PLB1: variants seen among roughly 807,000 people sequenced by gnomAD.
PLB1 encodes the protein phospholipase B1, membrane-associated.
A neutral mutation model predicts 227.4 loss-of-function variants in PLB1; 242 were observed. That is an observed-to-expected ratio of 1.06 (90% CI 0.96 to 1.18). The LOEUF (loss-of-function observed/expected upper bound fraction) is 1.18, where lower values mean the gene tolerates loss of function less well. Among genes scored for constraint, PLB1 ranks in the 50% most tolerant of loss-of-function variants. PLB1 has a pLI of 0.00. For synonymous variants in PLB1, 757 were observed against 682.2 expected (o/e 1.11, Z -1.71); for missense variants, 1,858 against 1,816.3 (o/e 1.02, Z -0.42).
At chr2:28,563,322 C>G (rs999569635) in intron 18 of PLB1, among the ~76,000 whole-genome samples, 3 of 152,080 alleles carry the variant, frequency 2.0e-5, no homozygotes, top group Non-Finnish European at 4.4e-5. Context: ...CTTCCTCCCC[C>G]AATGCTGAGA....
intron 21 of PLB1, among the ~76,000 whole-genome samples, chr2:28,575,657 G>A (rs112427963): frequency 1.4e-3 from 220 of 152,170 alleles, no homozygotes; most frequent in African/African-American, 5.0e-3. Context: ...TGCAACCTCC[G>A]CCTCCCAGGT....
chr2:28,556,382 G>A (rs929615860), intron 17 of PLB1, among the ~76,000 whole-genome samples: 3 of 152,182 alleles, frequency 2.0e-5, no homozygotes, highest in Admixed American at 6.5e-5. Flanking sequence ...GGGGCCCTAG[G>A]ATGAGATACA....
At chr2:28,588,930 C>T (rs1055802586) in intron 26 of PLB1, among the ~76,000 whole-genome samples, 1 of 152,110 alleles carries the variant, frequency 6.6e-6, no homozygotes, top group Non-Finnish European at 1.5e-5. Context: ...CTTTGGGAGG[C>T]CGAGGCGGGT....
intron 21 of PLB1, among the ~76,000 whole-genome samples, chr2:28,573,850 T>C (rs1457335974): frequency 6.6e-6 from 1 of 152,218 alleles, no homozygotes; most frequent in African/African-American, 2.4e-5. Context: ...AAATGCCATA[T>C]TGGATACGAA....
rs1223482130 is a variant in PLB1 at position 28,644,060 on chromosome 2, G to A, written c.*999G>A. On this transcript the variant is annotated 3_prime_UTR_variant, in exon 58 of 58. Transcript: ENST00000327757. ...CAACACCGTGAATGTACTAAACGCC[G>A]CAAATTGTTCCATTTAAAATGATTA... 1.6e-4 allele frequency among the ~76,000 whole-genome samples: 24 copies of A among 152,172 alleles called. No homozygotes were observed. Among genetic ancestry groups the A allele is most frequent in the Admixed American group, 1.4e-3 (21 of 15,280 alleles).
At chr2:28,625,893 C>T (rs1279099348) in intron 50 of PLB1, among the ~76,000 whole-genome samples, 1 of 151,232 alleles carries the variant, frequency 6.6e-6, no homozygotes, top group Admixed American at 6.6e-5. Context: ...AAGCAGAACC[C>T]CGTCCCCCGC....
At chr2:28,567,807 T>C (rs1677306126) in intron 20 of PLB1, among the ~76,000 whole-genome samples, 2 of 152,216 alleles carry the variant, frequency 1.3e-5, no homozygotes, top group South Asian at 4.1e-4. Context: ...CTTATCTTTT[T>C]AAAATTCTCG....
intron 51 of PLB1, among the ~76,000 whole-genome samples, chr2:28,627,895 T>C (rs541790539): frequency 2.0e-5 from 3 of 152,284 alleles, no homozygotes; most frequent in African/African-American, 7.2e-5. Context: ...GGTATCAGCC[T>C]GTGACACCTT....
At chr2:28,500,167 G>A (rs758157238) in intron 1 of PLB1, among the ~76,000 whole-genome samples, 1 of 152,136 alleles carries the variant, frequency 6.6e-6, no homozygotes, top group Non-Finnish European at 1.5e-5. Flanking sequence ...ATTTATCAGA[G>A]ACCACACGTT....
At chr2:28,502,983 C>T (rs906477640) in intron 1 of PLB1, among the ~76,000 whole-genome samples, 4 of 151,656 alleles carry the variant, frequency 2.6e-5, no homozygotes, top group African/African-American at 4.8e-5. Context: ...GTGTCCATTT[C>T]GAGTAAATTT....
intron 32 of PLB1, among the ~76,000 whole-genome samples, chr2:28,593,366 A>G (rs1414613027): frequency 6.6e-6 from 1 of 152,078 alleles, no homozygotes; most frequent in African/African-American, 2.4e-5. Flanking sequence ...CATTATTAAC[A>G]CTCTCTCACG....
chr2:28,573,906 A>G (rs1272828264), intron 21 of PLB1, among the ~76,000 whole-genome samples: 1 of 152,252 alleles, frequency 6.6e-6, no homozygotes, highest in East Asian at 1.9e-4. Context: ...CACGTTGGTC[A>G]AAATGGTGGT....
At chr2:28,554,825 C>T (rs1408980662) in intron 17 of PLB1, among the ~76,000 whole-genome samples, 1 of 152,070 alleles carries the variant, frequency 6.6e-6, no homozygotes, top group Admixed American at 6.5e-5. Flanking sequence ...AAACCTCTTC[C>T]TTATTCCTTG....
At chr2:28,629,501 G>A (rs1474378499) in intron 53 of PLB1, among the ~76,000 whole-genome samples, 1 of 152,202 alleles carries the variant, frequency 6.6e-6, no homozygotes, top group East Asian at 1.9e-4. Flanking sequence ...GAAGCAGCAT[G>A]GGGCCATGAG....
chr2:28,579,250 G>A (rs1051144987), intron 22 of PLB1, among the ~76,000 whole-genome samples: 1 of 152,200 alleles, frequency 6.6e-6, no homozygotes, highest in Non-Finnish European at 1.5e-5. Context: ...ATTTCTAGAA[G>A]ATTCTGGAAC....
intron 56 of PLB1, among the ~76,000 whole-genome samples, chr2:28,639,813 A>G (rs762606680): frequency 3.9e-5 from 6 of 152,202 alleles, no homozygotes; most frequent in Admixed American, 6.5e-5. Flanking sequence ...AGCCACCCCA[A>G]TCACACGTGC....
chr2:28,558,705 ATGTG>A (rs3041213), intron 17 of PLB1, among the ~76,000 whole-genome samples: 12 of 150,152 alleles, frequency 8.0e-5, no homozygotes, highest in African/African-American at 2.9e-4. Context: ...GTGTGTGTGT[ATGTG>A]TGTGTGTGTG....
Position 28,582,261 on chromosome 2 carries a change from G to C in PLB1, c.1632+128G>C, listed in dbSNP as rs180785295. The C allele has an allele frequency of 5.7e-5, 70 of 1,232,892 alleles. 1 individual carries two copies. In the East Asian group the frequency reaches 7.2e-4, roughly 13 times the overall value. The allele number at this position is 1,232,892 out of a possible 1,614,324, so 76.4% of individuals were successfully genotyped here. ...TGGATCCCAGCCCAAATGCATAGAG[G>C]GGGAGCAGGGACGGGTGGAGGAAGT... On this transcript the variant is annotated intron_variant, in intron 24 of 57. Coordinates refer to ENST00000327757, the MANE Select transcript of PLB1 (RefSeq NM_153021.5).
intron 17 of PLB1, among the ~76,000 whole-genome samples, chr2:28,558,799 G>A (rs566543584): frequency 6.6e-6 from 1 of 152,316 alleles, no homozygotes; most frequent in African/African-American, 2.4e-5. Flanking sequence ...TTGAATCTAA[G>A]AGGCAGAGTT....
Sources: allele counts gnomAD v4.1 joint callset (sites outside exome capture counted in the v4.1 genomes callset), GRCh38; gene constraint gnomAD v4.1.1; transcripts MANE v1.5; gene names NCBI Gene and HGNC (gene_info 2026-07-23, HGNC 2026-07-21).